The following KCNU1 variants were observed in gnomAD, a reference collection of about 807,000 sequenced individuals.
KCNU1 encodes the protein potassium channel subfamily U member 1.
In KCNU1, 93 loss-of-function variants were observed where a neutral mutation model predicts 126.8. The observed-to-expected ratio is 0.73, with a 90% confidence interval of 0.62 to 0.87. The LOEUF is 0.87. KCNU1 is among the 40% of genes least tolerant of loss of function. KCNU1 has a pLI of 0.00. For missense variants in KCNU1, 1,330 were observed against 1,367.1 expected (o/e 0.97, Z 0.43); for synonymous variants, 523 against 494.2 (o/e 1.06, Z -0.77).
intron 9 of KCNU1, among the ~76,000 whole-genome samples, chr8:36,816,377 G>C (rs1441016705): frequency 1.3e-5 from 2 of 151,894 alleles, no homozygotes; most frequent in Admixed American, 6.6e-5. Flanking sequence ...TCTTAAATTA[G>C]ATGTGATCCT....
intron 18 of KCNU1, among the ~76,000 whole-genome samples, chr8:36,848,767 G>C: frequency 6.6e-6 from 1 of 152,054 alleles, no homozygotes; most frequent in Non-Finnish European, 1.5e-5. Flanking sequence ...ACACCACTGA[G>C]AATCCATATG....
intron 19 of KCNU1, chr8:36,889,145 C>T (rs370920936): frequency 1.5e-5 from 8 of 533,900 alleles, no homozygotes; most frequent in Non-Finnish European, 2.7e-5. Context: ...TTCCAAAGTG[C>T]TTGGATTACA....
At chr8:36,893,045 T>C (rs975372616) in intron 19 of KCNU1, among the ~76,000 whole-genome samples, 1 of 152,162 alleles carries the variant, frequency 6.6e-6, no homozygotes, top group Non-Finnish European at 1.5e-5. Context: ...CACTGCAACA[T>C]CTGCCTCCTG....
intron 19 of KCNU1, among the ~76,000 whole-genome samples, chr8:36,867,492 A>C (rs879441588): frequency 2.0e-5 from 3 of 152,184 alleles, no homozygotes; most frequent in Non-Finnish European, 4.4e-5. Context: ...TGTTTATGTT[A>C]ATGCAAAGTT....
chr8:36,867,367 C>T (rs1446050716), intron 19 of KCNU1, among the ~76,000 whole-genome samples: 3 of 152,204 alleles, frequency 2.0e-5, no homozygotes, highest in East Asian at 1.9e-4. Context: ...CAGCAGCTAG[C>T]CAGCCTGACG....
At chr8:36,910,851 A>T in intron 21 of KCNU1, 79 bp from the exon 22 acceptor site, 1 of 1,023,762 alleles carries the variant, frequency 9.8e-7, no homozygotes, top group Non-Finnish European at 1.4e-6. Context: ...TACATCACTC[A>T]CAAAGAGCCA....
At chr8:36,868,760 A>G (rs1360729814) in intron 19 of KCNU1, among the ~76,000 whole-genome samples, 2 of 152,188 alleles carry the variant, frequency 1.3e-5, no homozygotes, top group African/African-American at 4.8e-5. Flanking sequence ...TGTTGAATGA[A>G]TAAGTATACA....
chr8:36,878,444 A>T (rs968073698), intron 19 of KCNU1, among the ~76,000 whole-genome samples: 4 of 152,190 alleles, frequency 2.6e-5, no homozygotes, highest in Admixed American at 2.6e-4. Context: ...AAAGCAGCAG[A>T]TGGTTGTCCC....
intron 19 of KCNU1, among the ~76,000 whole-genome samples, chr8:36,880,196 C>T (rs540483254): frequency 6.6e-6 from 1 of 152,230 alleles, no homozygotes; most frequent in South Asian, 2.1e-4. Flanking sequence ...AAACATGTTA[C>T]ATTATTGCTT....
intron 18 of KCNU1, among the ~76,000 whole-genome samples, chr8:36,854,190 A>G (rs901916457): frequency 6.6e-6 from 1 of 152,088 alleles, no homozygotes; most frequent in African/African-American, 2.4e-5. Flanking sequence ...ACAGGTCTCC[A>G]TGTGTCAATC....
chr8:36,814,303 G>A lies in KCNU1; in HGVS notation c.829G>A (p.Val277Ile), dbSNP rs368642765. 4.8e-5 allele frequency: 77 copies of A among 1,612,520 alleles called. No individual in the cohort carries two copies. The highest frequency in any genetic ancestry group is 5.8e-5 in the Non-Finnish European group (68 of 1,178,974). ...CCTGGTCATGGCAACAACGTCAACCGTTGGATTTGGAGATGTGGTAGCCAA... is the reference window on the plus strand; with the variant it reads ...CCTGGTCATGGCAACAACGTCAACCATTGGATTTGGAGATGTGGTAGCCAA... ...IYLVMATTSTVGFGDVVAKTS... is the reference protein window; with the variant it reads ...IYLVMATTSTIGFGDVVAKTS... The change falls in exon 8 of 27, where the codon GTT becomes ATT. Residue 277 changes from valine to isoleucine, a missense_variant. Physicochemically the swap from Val to Ile is conservative, Grantham distance 29. Around this residue, in one of 3 missense-constraint regions of KCNU1, gnomAD observed 1,054 missense variants for 1,053.9 expected, o/e 1.00. Coordinates refer to ENST00000399881, the MANE Select transcript of KCNU1 (RefSeq NM_001031836.3).
At position 36,831,924 on chromosome 8, in the gene KCNU1, A is replaced by G. The variant is rs550107816; in HGVS notation, c.1107-1630A>G. Among the ~76,000 whole-genome samples the G allele has an allele frequency of 8.5e-5, 13 of 152,284 alleles. No homozygotes were observed. In the East Asian group the frequency reaches 1.7e-3, roughly 20 times the overall value. On this transcript the variant is annotated intron_variant, in intron 10 of 26. Transcript: ENST00000399881. ...CGTTTAAGTCTTTAATCCGTCTTGAATTGATTTTTTGTATAATGTGTGAGG... is the reference window on the plus strand; with the variant it reads ...CGTTTAAGTCTTTAATCCGTCTTGAGTTGATTTTTTGTATAATGTGTGAGG...
At chr8:36,907,631 T>C (rs921961201) in intron 20 of KCNU1, among the ~76,000 whole-genome samples, 3 of 152,218 alleles carry the variant, frequency 2.0e-5, no homozygotes, top group African/African-American at 4.8e-5. Flanking sequence ...TCCCAGTATA[T>C]GCTAATTTGG....
At chr8:36,807,207 G>A (rs1803534113) in intron 5 of KCNU1, among the ~76,000 whole-genome samples, 168 bp from the exon 6 acceptor site, 1 of 152,140 alleles carries the variant, frequency 6.6e-6, no homozygotes, top group Non-Finnish European at 1.5e-5. Flanking sequence ...CAGCGTCAGG[G>A]CTAGTATTTG....
chr8:36,914,467 G>C (rs1411566064), intron 22 of KCNU1, among the ~76,000 whole-genome samples: 1 of 152,216 alleles, frequency 6.6e-6, no homozygotes, highest in East Asian at 1.9e-4. Context: ...TAACCTATCT[G>C]GTGAGGCCTT....
intron 10 of KCNU1, among the ~76,000 whole-genome samples, chr8:36,830,616 T>C (rs980741413): frequency 6.6e-6 from 1 of 152,130 alleles, no homozygotes; most frequent in South Asian, 2.1e-4. Context: ...CTTTAAAGTA[T>C]GGTAGAAGTT....
intron 19 of KCNU1, chr8:36,889,052 T>C (rs1394153536): frequency 4.0e-6 from 2 of 502,902 alleles, no homozygotes; most frequent in Non-Finnish European, 8.1e-6. Flanking sequence ...CTAATTATTG[T>C]ATTTTTAGTA....
intron 2 of KCNU1, among the ~76,000 whole-genome samples, chr8:36,801,597 T>G (rs992054375): frequency 6.6e-6 from 1 of 152,042 alleles, no homozygotes; most frequent in African/African-American, 2.4e-5. Flanking sequence ...ATGTACATAA[T>G]CATATGTAAA....
In KCNU1 at chr8:36,804,000, A is replaced by G. The variant is rs534819899; in HGVS notation, c.316-27A>G. The G allele has an allele frequency of 7.5e-6, 11 of 1,468,118 alleles. No individual in the cohort carries two copies. In the Admixed American group the frequency reaches 7.8e-5, roughly 10 times the overall value. 90.9% of individuals were successfully genotyped at this position (1,468,118 alleles called of 1,614,324 possible). A position where few individuals can be genotyped will look rare whatever the true frequency, so the allele number is the denominator to read the frequency against. On this transcript the variant is annotated intron_variant, in intron 2 of 26. Transcript: ENST00000399881. ...TTTAATGCAAATGAAGTGGATTTAG[A>G]CATTTGTCCCTGTTTTTCATTTTCA...
Sources: allele counts gnomAD v4.1 joint callset (sites outside exome capture counted in the v4.1 genomes callset), GRCh38; gene constraint gnomAD v4.1.1; regional missense constraint gnomAD v4.1.1; transcripts MANE v1.5; gene names NCBI Gene and HGNC (gene_info 2026-07-23, HGNC 2026-07-21).